CSMD2: variants seen among roughly 807,000 people sequenced by gnomAD.
CSMD2 encodes the protein CUB and sushi domain-containing protein 2.
A neutral mutation model predicts 398.5 loss-of-function variants in CSMD2; 130 were observed. That is an observed-to-expected ratio of 0.33 (90% CI 0.28 to 0.38). The LOEUF is 0.38. Ranked by LOEUF, CSMD2 falls within the 10% of genes least tolerant of loss-of-function variation. The pLI, the probability that CSMD2 is intolerant of heterozygous loss-of-function variation, is 1.00. For missense variants in CSMD2, 3,829 were observed against 4,764.9 expected, an observed-to-expected ratio of 0.80 and a Z score of 5.78; for synonymous variants, 1,828 against 1,908.5, an observed-to-expected ratio of 0.96 and a Z score of 1.10.
chr1:34,053,463 G>A (rs951685354), intron 2 of CSMD2, among the ~76,000 whole-genome samples: 4 of 152,108 alleles, frequency 2.6e-5, no homozygotes, highest in Admixed American at 2.0e-4. Context: ...AAGCTCCAAG[G>A]AAGGTTAATA....
intron 53 of CSMD2, among the ~76,000 whole-genome samples, chr1:33,566,457 G>A (rs1439213270): frequency 1.3e-5 from 2 of 152,022 alleles, no homozygotes; most frequent in Admixed American, 6.6e-5. Flanking sequence ...AATTAAGACC[G>A]AACATATCAG....
intron 1 of CSMD2, among the ~76,000 whole-genome samples, chr1:34,160,420 T>C (rs1336481200): frequency 6.6e-6 from 1 of 152,220 alleles, no homozygotes; most frequent in Non-Finnish European, 1.5e-5. Context: ...TATTGTTGCA[T>C]TGGTTCTAGA....
At chr1:33,534,433 A>G (rs181728365) in intron 62 of CSMD2, among the ~76,000 whole-genome samples, 8 of 152,282 alleles carry the variant, frequency 5.3e-5, no homozygotes, top group Middle Eastern at 3.4e-3. Flanking sequence ...CTTTACAGAT[A>G]TGGCCCCCAT....
intron 12 of CSMD2, among the ~76,000 whole-genome samples, chr1:33,779,200 C>T (rs982132367): frequency 4.6e-5 from 7 of 152,154 alleles, no homozygotes; most frequent in African/African-American, 1.4e-4. Context: ...CTACCCCTCC[C>T]ACCCCAGCCT....
intron 44 of CSMD2, chr1:33,592,383 C>A (rs1322237559): frequency 1.4e-6 from 1 of 715,516 alleles, no homozygotes. Flanking sequence ...TCTGATTGCC[C>A]CTGCTGCAGT....
intron 1 of CSMD2, among the ~76,000 whole-genome samples, chr1:34,152,915 A>C (rs1194504423): frequency 1.6e-4 from 25 of 152,058 alleles, no homozygotes; most frequent in South Asian, 4.1e-4. Context: ...GGCAACCACC[A>C]TTCTATTTTC....
chr1:33,955,095 G>A (rs9425973), intron 3 of CSMD2, among the ~76,000 whole-genome samples: 18,519 of 152,166 alleles, frequency 0.12, 1,243 homozygotes, highest in African/African-American at 0.17. Flanking sequence ...GGACGATCCC[G>A]AGTAGAACGG....
chr1:33,848,090 A>G (rs955034012), intron 5 of CSMD2, among the ~76,000 whole-genome samples: 1 of 152,114 alleles, frequency 6.6e-6, no homozygotes, highest in Non-Finnish European at 1.5e-5. Context: ...CCCTTTCTCT[A>G]TACTCTTTCA....
intron 5 of CSMD2, among the ~76,000 whole-genome samples, chr1:33,906,584 T>C (rs1044931500): frequency 6.6e-6 from 1 of 152,174 alleles, no homozygotes; most frequent in Non-Finnish European, 1.5e-5. Flanking sequence ...ATAGGGATAT[T>C]CCCAGATTTC....
At position 33,579,670 on chromosome 1, in the gene CSMD2, C is replaced by CT. The variant is rs1032251571; in HGVS notation, c.7387+1082dup. ...TTTGACATTCCTTCCAACCAAGATT[C>CT]TTTTTTTTTAATTTTTTTTTTTTTT... On this transcript the variant is annotated intron_variant, in intron 48 of 70. Transcript: ENST00000373381. Among the ~76,000 whole-genome samples, 14 of 149,978 alleles carry CT rather than the reference C, an allele frequency of 9.3e-5. No homozygotes were observed. In the East Asian group the frequency reaches 1.6e-3, roughly 17 times the overall value.
chr1:34,040,942 T>G (rs1038250603), intron 2 of CSMD2, among the ~76,000 whole-genome samples: 3 of 152,030 alleles, frequency 2.0e-5, no homozygotes, highest in African/African-American at 7.2e-5. Flanking sequence ...CTGGTCAATA[T>G]AGTGAGATCC....
chr1:33,894,406 G>C (rs1208113036), intron 5 of CSMD2, among the ~76,000 whole-genome samples: 2 of 152,210 alleles, frequency 1.3e-5, no homozygotes, highest in African/African-American at 4.8e-5. Context: ...TTGCCCATGT[G>C]CACAGCAGGC....
chr1:33,723,120 T>C (rs1230328518), intron 19 of CSMD2, among the ~76,000 whole-genome samples: 2 of 152,268 alleles, frequency 1.3e-5, no homozygotes, highest in Non-Finnish European at 2.9e-5. Context: ...GTATGTCCAC[T>C]CTTGTACTCA....
chr1:33,549,808 C>A (rs2148626004), intron 56 of CSMD2, among the ~76,000 whole-genome samples: 1 of 152,298 alleles, frequency 6.6e-6, no homozygotes, highest in Non-Finnish European at 1.5e-5. Flanking sequence ...AAGAAAAGAA[C>A]ACAGGAGTGG....
chr1:33,734,467 C>T (rs568100639), intron 15 of CSMD2, among the ~76,000 whole-genome samples: 1 of 152,100 alleles, frequency 6.6e-6, no homozygotes, highest in South Asian at 2.1e-4. Flanking sequence ...AGCAACCCTC[C>T]GAGTATTTCT....
chr1:33,959,124 C>A (rs1645264369), intron 3 of CSMD2, among the ~76,000 whole-genome samples: 1 of 152,170 alleles, frequency 6.6e-6, no homozygotes, highest in South Asian at 2.1e-4. Flanking sequence ...GAAATAGCAA[C>A]CTGCTGATCT....
intron 3 of CSMD2, among the ~76,000 whole-genome samples, chr1:34,012,907 T>C (rs1319910393): frequency 6.6e-6 from 1 of 152,212 alleles, no homozygotes; most frequent in East Asian, 1.9e-4. Flanking sequence ...ACAAAGGGGA[T>C]ACATTTGCCT....
intron 15 of CSMD2, among the ~76,000 whole-genome samples, chr1:33,730,290 A>G (rs1201457369): frequency 1.3e-5 from 2 of 152,242 alleles, no homozygotes; most frequent in African/African-American, 4.8e-5. Flanking sequence ...ACAATCACTG[A>G]AAGGATAAAC....
intron 5 of CSMD2, among the ~76,000 whole-genome samples, chr1:33,901,128 AC>A (rs767327928): frequency 1.8e-4 from 28 of 152,222 alleles, no homozygotes; most frequent in Non-Finnish European, 3.5e-4. Context: ...GGGGGTGAAG[AC>A]CCAATGGGGC....
Sources: allele counts gnomAD v4.1 joint callset (sites outside exome capture counted in the v4.1 genomes callset), GRCh38; gene constraint gnomAD v4.1.1; transcripts MANE v1.5; gene names NCBI Gene and HGNC (gene_info 2026-07-23, HGNC 2026-07-21).